The following SNTG1 variants were observed in gnomAD, a reference collection of about 807,000 sequenced individuals.
SNTG1 encodes gamma-1-syntrophin.
A neutral mutation model predicts 74.7 loss-of-function variants in SNTG1; 39 were observed. The observed-to-expected ratio is 0.52, with a 90% CI of 0.40 to 0.68. The LOEUF (loss-of-function observed/expected upper bound fraction) is 0.68. Among genes scored for constraint, SNTG1 ranks in the 30% least tolerant of loss-of-function variants. SNTG1 has a pLI of 0.00. For missense variants in SNTG1, 685 were observed against 609.5 expected, an observed-to-expected ratio of 1.12 and a Z score of -1.30; for synonymous variants, 254 against 217.1, an observed-to-expected ratio of 1.17 and a Z score of -1.49.
At chr8:50,714,168 C>T (rs1409846794) in intron 17 of SNTG1, among the ~76,000 whole-genome samples, 4 of 151,790 alleles carry the variant, frequency 2.6e-5, no homozygotes, top group African/African-American at 9.7e-5. Context: ...TATTTCTGAT[C>T]CCTCTGTTCT....
chr8:50,075,082 C>T (rs1304891058), intron 1 of SNTG1, among the ~76,000 whole-genome samples: 2 of 152,216 alleles, frequency 1.3e-5, no homozygotes, highest in East Asian at 3.9e-4. Flanking sequence ...TTCACCAGGC[C>T]TCAGCCGCCT....
intron 2 of SNTG1, among the ~76,000 whole-genome samples, chr8:50,215,413 A>ACTATATATATTTTATATATATAGT (rs2084736510): frequency 6.8e-6 from 1 of 147,302 alleles, no homozygotes. Context: ...ATATATATAT[A>ACTATATATATTTTATATATATAGT]CTATATATAT....
intron 15 of SNTG1, among the ~76,000 whole-genome samples, chr8:50,662,427 G>T (rs951341329): frequency 3.3e-5 from 5 of 152,174 alleles, no homozygotes; most frequent in Non-Finnish European, 7.4e-5. Flanking sequence ...TAAGTGCTTA[G>T]TATATGAATT....
chr8:50,740,921 T>G (rs1379524771), intron 17 of SNTG1, among the ~76,000 whole-genome samples: 2 of 151,896 alleles, frequency 1.3e-5, no homozygotes, highest in East Asian at 3.9e-4. Flanking sequence ...TTCTCACTTA[T>G]AAAAAGGAGC....
chr8:50,658,537 C>T (rs1480011372), intron 14 of SNTG1, 55 bp from the exon 15 acceptor site: 3 of 1,257,946 alleles, frequency 2.4e-6, no homozygotes, highest in Non-Finnish European at 3.4e-6. Flanking sequence ...AAATCAAATA[C>T]AGTGGTAAAT....
chr8:50,681,317 G>T lies in SNTG1; in HGVS notation c.1038+22654G>T, dbSNP rs1267725817. ...TTTTTTAAATGTCATTTATGGAAGA[G>T]AATTACATACAAAAGGAGAGAGGGA... On this transcript the variant is annotated intron_variant, in intron 15 of 18. Coordinates refer to ENST00000642720, the MANE Select transcript of SNTG1 (RefSeq NM_018967.5). Among the ~76,000 whole-genome samples the T allele has an allele frequency of 5.9e-5, 9 of 151,926 alleles. No homozygotes were observed. In the East Asian group the frequency reaches 1.7e-3, roughly 29 times the overall value.
At chr8:50,693,350 C>A (rs1291747744) in intron 15 of SNTG1, among the ~76,000 whole-genome samples, 1 of 152,150 alleles carries the variant, frequency 6.6e-6, no homozygotes, top group African/African-American at 2.4e-5. Flanking sequence ...ATCACTCACT[C>A]TGGGAGCTGT....
chr8:50,499,043 C>T (rs1334268518), intron 8 of SNTG1, among the ~76,000 whole-genome samples: 3 of 151,454 alleles, frequency 2.0e-5, no homozygotes, highest in Admixed American at 6.6e-5. Context: ...TAAAATCAAA[C>T]GATGTTGGTT....
At chr8:50,093,962 G>A (rs2079837415) in intron 1 of SNTG1, among the ~76,000 whole-genome samples, 1 of 152,240 alleles carries the variant, frequency 6.6e-6, no homozygotes, top group African/African-American at 2.4e-5. Flanking sequence ...ACTTGAGATA[G>A]ACAGAACAAA....
intron 15 of SNTG1, among the ~76,000 whole-genome samples, chr8:50,704,327 T>C (rs2095436202): frequency 6.6e-6 from 1 of 152,174 alleles, no homozygotes; most frequent in South Asian, 2.1e-4. Context: ...AAGTCTTGTA[T>C]GTTAAATGCT....
intron 2 of SNTG1, among the ~76,000 whole-genome samples, chr8:50,186,005 C>T (rs533621563): frequency 1.3e-5 from 2 of 152,124 alleles, no homozygotes; most frequent in African/African-American, 4.8e-5. Context: ...ACCCTAGACT[C>T]CCACCCCCGA....
At chr8:50,242,673 G>A (rs1471541950) in intron 2 of SNTG1, among the ~76,000 whole-genome samples, 2 of 151,004 alleles carry the variant, frequency 1.3e-5, no homozygotes, top group African/African-American at 4.9e-5. Flanking sequence ...TATCTACTCT[G>A]TATCTTTCCA....
intron 17 of SNTG1, among the ~76,000 whole-genome samples, chr8:50,747,237 G>A (rs59139799): frequency 0.012 from 1,785 of 152,036 alleles, 34 homozygotes; most frequent in African/African-American, 0.041. Flanking sequence ...CTGAAAGGGG[G>A]TAGCAGAAAA....
intron 2 of SNTG1, among the ~76,000 whole-genome samples, chr8:50,331,783 T>C (rs773336117): frequency 1.4e-4 from 22 of 152,084 alleles, no homozygotes; most frequent in Non-Finnish European, 2.2e-4. Context: ...ATTCTGTGAG[T>C]GAGAGGGAAG....
intron 1 of SNTG1, among the ~76,000 whole-genome samples, chr8:49,989,356 G>A (rs1013368115): frequency 4.0e-5 from 6 of 151,656 alleles, no homozygotes; most frequent in Admixed American, 6.6e-5. Flanking sequence ...TAAATGCAAC[G>A]AATTAACTCT....
chr8:50,238,364 C>A (rs1347936849), intron 2 of SNTG1, among the ~76,000 whole-genome samples: 1 of 152,060 alleles, frequency 6.6e-6, no homozygotes, highest in Non-Finnish European at 1.5e-5. Context: ...TCATCTTTGT[C>A]AAAGCTGACA....
Position 50,229,113 on chromosome 8 carries a change from T to C in SNTG1, c.-28+56478T>C, listed in dbSNP as rs2085485264. On this transcript the variant is annotated intron_variant, in intron 2 of 18. Coordinates refer to ENST00000642720, the MANE Select transcript of SNTG1 (RefSeq NM_018967.5). Reference sequence around the variant, plus strand: ...GATATATTATGAACTCTAGGGCAATTACTATTTCTAAAAATGTATGGTGGA... The same window carrying C: ...GATATATTATGAACTCTAGGGCAATCACTATTTCTAAAAATGTATGGTGGA... Among the ~76,000 whole-genome samples the C allele has an allele frequency of 2.0e-5, 3 of 151,672 alleles. No individual in the cohort carries two copies. In the South Asian group the frequency reaches 6.2e-4, roughly 31 times the overall value.
intron 9 of SNTG1, 92 bp downstream of exon 9, chr8:50,502,972 T>A (rs2093976131): frequency 3.7e-6 from 4 of 1,077,996 alleles, no homozygotes; most frequent in Non-Finnish European, 5.4e-6. Flanking sequence ...CTTCTTAAAG[T>A]TGAGATTTTT....
At chr8:50,403,404 C>G (rs969161775) in intron 4 of SNTG1, among the ~76,000 whole-genome samples, 1 of 152,196 alleles carries the variant, frequency 6.6e-6, no homozygotes, top group African/African-American at 2.4e-5. Context: ...TTAAATCATT[C>G]TGAATCATGG....
Sources: gnomAD v4.1 joint callset for allele counts (sites outside exome capture counted in the v4.1 genomes callset) on GRCh38, gnomAD v4.1.1 for gene constraint, MANE v1.5 for transcripts, NCBI Gene and HGNC (gene_info 2026-07-23, HGNC 2026-07-21) for gene names.